The following BMP7 variants were observed in gnomAD, a reference collection of about 807,000 sequenced individuals.
The protein encoded by BMP7 is osteogenic protein 1.
A neutral mutation model predicts 41.2 loss-of-function variants in BMP7; 12 were observed. That is an observed-to-expected ratio of 0.29 (90% CI 0.19 to 0.47). The LOEUF (loss-of-function observed/expected upper bound fraction) is 0.47. BMP7 is among the 20% of genes least tolerant of loss of function. The pLI, the probability that BMP7 is intolerant of heterozygous loss-of-function variation, is 0.99. For missense variants in BMP7, 467 were observed against 606.0 expected, an observed-to-expected ratio of 0.77 and a Z score of 2.41; for synonymous variants, 248 against 250.0, an observed-to-expected ratio of 0.99 and a Z score of 0.07.
intron 1 of BMP7, among the ~76,000 whole-genome samples, chr20:57,234,314 G>A (rs963474337): frequency 2.0e-5 from 3 of 152,220 alleles, no homozygotes; most frequent in Non-Finnish European, 2.9e-5. Context: ...TGATCTCTAA[G>A]GATGTAATCC....
chr20:57,183,754 T>C lies in BMP7; in HGVS notation c.926A>G (p.Asn309Ser), dbSNP rs1379602481. The C allele has an allele frequency of 1.2e-6, 2 of 1,614,052 alleles. No individual in the cohort carries two copies. Among genetic ancestry groups the C allele is most frequent in the African/African-American group, 2.7e-5 (2 of 74,932 alleles). ...GTTGGCCATCCGCAGGGCTTCCTGGTTCTTGGGCGTCTTGGAGCGGTTCTG... is the reference window on the plus strand; with the variant it reads ...GTTGGCCATCCGCAGGGCTTCCTGGCTCTTGGGCGTCTTGGAGCGGTTCTG... Reference protein sequence around the residue: ...RSQNRSKTPKNQEALRMANVA... With the variant: ...RSQNRSKTPKSQEALRMANVA... The change falls in exon 4 of 7, where the codon AAC (asparagine) becomes AGC (serine). Residue 309 changes from asparagine to serine, a missense_variant. By Grantham distance (46) the Asn-to-Ser change is conservative. Transcript: ENST00000395863.
In BMP7 at chr20:57,228,041, T is replaced by C. The variant is rs919307714; in HGVS notation, c.611+188A>G. Among the ~76,000 whole-genome samples, 1 of 152,134 alleles carries C rather than the reference T, an allele frequency of 6.6e-6. No homozygotes were observed. Among genetic ancestry groups the C allele is most frequent in the Non-Finnish European group, 1.5e-5 (1 of 68,032 alleles). ...GGGCTCCCTGGCCTTCTACTATTCC[T>C]GAATTTGTTGTCGGTCATGGTTTTA... On this transcript the variant is annotated intron_variant, in intron 2 of 6. Coordinates refer to ENST00000395863, the MANE Select transcript of BMP7 (RefSeq NM_001719.3). This position sits in a 1 kb window ranked among gnomAD's most constrained non-coding sequence, Gnocchi z 4.5.
chr20:57,177,918 G>A (rs1187594798), intron 4 of BMP7: 1 of 152,258 alleles, frequency 6.6e-6, no homozygotes, highest in Non-Finnish European at 1.5e-5. Context: ...GCTTCCTGGT[G>A]TGCAGGCATG....
chr20:57,230,450 A>G (rs2066024932), intron 1 of BMP7, among the ~76,000 whole-genome samples: 2 of 151,914 alleles, frequency 1.3e-5, no homozygotes, highest in Non-Finnish European at 2.9e-5. Context: ...GTCAACCCTC[A>G]TGCCAGCCCC....
intron 5 of BMP7, 124 bp from the exon 6 acceptor site, chr20:57,173,434 C>G (rs1040879793): frequency 1.5e-5 from 14 of 923,990 alleles, no homozygotes; most frequent in Middle Eastern, 2.5e-4. Context: ...TCAGACCATG[C>G]CTTCTGAGCA....
intron 2 of BMP7, among the ~76,000 whole-genome samples, chr20:57,204,275 C>A (rs1019467799): frequency 3.3e-5 from 5 of 152,224 alleles, no homozygotes. Context: ...GCCCCCAGCT[C>A]TCCGTACTAA....
chr20:57,263,748 T>A (rs1158819322), intron 1 of BMP7, among the ~76,000 whole-genome samples: 1 of 152,184 alleles, frequency 6.6e-6, no homozygotes, highest in African/African-American at 2.4e-5. Flanking sequence ...GTTCATTATT[T>A]ATATGTATGT....
intron 2 of BMP7, among the ~76,000 whole-genome samples, chr20:57,227,232 T>C (rs2426700): frequency 0.2 from 29,934 of 152,120 alleles, 3,616 homozygotes; most frequent in East Asian, 0.33. Context: ...GTAGCCTCAT[T>C]CTTTGGCTTC....
At position 57,265,958 on chromosome 20, in the gene BMP7, C is replaced by T. The variant is rs762109775; in HGVS notation, c.165G>A (p.Gln55=). 1.9e-5 allele frequency: 29 copies of T among 1,551,214 alleles called. No homozygotes were observed. The South Asian group carries it at 2.7e-4, about 15-fold the overall frequency. ...AGCCCAAAATGGAGAGGATCTCGCGCTGCATCTCCCGCCGCTCCTGGCTGC... is the reference window on the plus strand; with the variant it reads ...AGCCCAAAATGGAGAGGATCTCGCGTTGCATCTCCCGCCGCTCCTGGCTGC... The part of the protein sequence containing the change: ...RLRSQERREM[Q]REILSILGLP... The change falls in exon 1 of 7, where the codon CAG becomes CAA. Residue 55 remains glutamine, a synonymous_variant. Transcript: ENST00000395863.
In BMP7 at chr20:57,228,238, T is replaced by C; in HGVS notation, c.602A>G (p.His201Arg). ...CCCGTATAGCACCCACCTGCCCAAG[T>C]GCTCCTGGAGCACCTGATAAACGCT... is the stretch of plus-strand genomic sequence containing the variant. ...RISVYQVLQEHLGRESDLFLL... is the reference protein window; with the variant it reads ...RISVYQVLQERLGRESDLFLL... Residue 201 changes from histidine to arginine, a missense_variant, in exon 2 of 7, where the codon CAC (histidine) becomes CGC (arginine). Transcript: ENST00000395863. This position sits in a 1 kb window ranked among gnomAD's most constrained non-coding sequence, Gnocchi z 4.5. 18 of 1,613,582 alleles carry C rather than the reference T, an allele frequency of 1.1e-5. No individual in the cohort carries two copies. The highest frequency in any genetic ancestry group is 3.3e-5 in the Admixed American group (2 of 60,018).
At chr20:57,204,623 C>A (rs1295601011) in intron 2 of BMP7, among the ~76,000 whole-genome samples, 1 of 152,214 alleles carries the variant, frequency 6.6e-6, no homozygotes, top group African/African-American at 2.4e-5. Context: ...GGGCCTCTCT[C>A]CATCCAAAAC....
chr20:57,170,747 G>T lies in BMP7; in HGVS notation c.*212C>A. 1 of 636,920 alleles carries T rather than the reference G, an allele frequency of 1.6e-6. No homozygotes were observed. The highest frequency in any genetic ancestry group is 2.7e-6 in the Non-Finnish European group (1 of 373,686). 39.5% of individuals were successfully genotyped at this position (636,920 alleles called of 1,614,324 possible). The stretch of plus-strand genomic sequence containing the variant: ...TTTCCTGCTAGGTTTTGCCTGCACA[G>T]CTTGTAGGATCTTGTTCATTGGATG... On this transcript the variant is annotated 3_prime_UTR_variant, in exon 7 of 7. Coordinates refer to ENST00000395863, the MANE Select transcript of BMP7 (RefSeq NM_001719.3).
intron 1 of BMP7, among the ~76,000 whole-genome samples, chr20:57,242,817 A>G (rs1346227814): frequency 2.0e-5 from 3 of 151,954 alleles, no homozygotes; most frequent in African/African-American, 7.3e-5. Context: ...AGCCTGGCCA[A>G]TATGCTGAAA....
intron 3 of BMP7, among the ~76,000 whole-genome samples, chr20:57,185,460 TG>T (rs1282316760): frequency 6.6e-6 from 1 of 152,224 alleles, no homozygotes; most frequent in African/African-American, 2.4e-5. Context: ...GGCATGCTCT[TG>T]GCCCAAGCCC....
chr20:57,191,628 G>A (rs1249125055), intron 3 of BMP7, among the ~76,000 whole-genome samples: 1 of 151,506 alleles, frequency 6.6e-6, no homozygotes, highest in African/African-American at 2.4e-5. Context: ...TACTTGGGAG[G>A]CTGAGGCACA....
chr20:57,200,976 T>A (rs1189411238), intron 3 of BMP7, among the ~76,000 whole-genome samples: 3 of 152,140 alleles, frequency 2.0e-5, no homozygotes, highest in South Asian at 2.1e-4. Flanking sequence ...GTGATCATGA[T>A]GACGAGGATG....
intron 2 of BMP7, among the ~76,000 whole-genome samples, chr20:57,217,326 G>T (rs1301356070): frequency 2.0e-5 from 3 of 152,154 alleles, no homozygotes; most frequent in African/African-American, 7.2e-5. Context: ...CCCCTAACTA[G>T]GCCCTGGGGA....
chr20:57,250,904 G>C (rs1248903963), intron 1 of BMP7, among the ~76,000 whole-genome samples: 1 of 152,180 alleles, frequency 6.6e-6, no homozygotes, highest in African/African-American at 2.4e-5. Context: ...ACACCGACAA[G>C]CCTCCCATTT....
At position 57,265,917 on chromosome 20, in the gene BMP7, C is replaced by A. The variant is rs747542314; in HGVS notation, c.206G>T (p.Arg69Leu). Residue 69 changes from arginine to leucine, a missense_variant, in exon 1 of 7, where the codon CGC (arginine) becomes CTC (leucine). Arg to Leu is a moderately radical substitution (Grantham distance 102). Transcript: ENST00000395863. ...GTTGTGCTTGCCCTGGAGGTGCGGG[C>A]GCGGGCGGTGGGGCAAGCCCAAAAT... is the stretch of plus-strand genomic sequence containing the variant. ...LSILGLPHRP[R>L]PHLQGKHNSA... The A allele has an allele frequency of 2.0e-5, 32 of 1,571,852 alleles. No individual in the cohort carries two copies. Among genetic ancestry groups the A allele is most frequent in the Non-Finnish European group, 2.8e-5 (32 of 1,158,032 alleles).
Sources: allele counts gnomAD v4.1 joint callset (sites outside exome capture counted in the v4.1 genomes callset), GRCh38; gene constraint gnomAD v4.1.1; non-coding constraint Gnocchi (gnomAD v3.1); transcripts MANE v1.5; gene names NCBI Gene and HGNC (gene_info 2026-07-23, HGNC 2026-07-21).